Variants in OVOL2 observed in about 807,000 individuals in gnomAD.
OVOL2 encodes ovo like zinc finger 2.
Under a neutral mutation model 18.1 loss-of-function variants are expected in OVOL2, and 13 were observed. That is an observed-to-expected ratio of 0.72 (90% CI 0.47 to 1.14). The LOEUF (loss-of-function observed/expected upper bound fraction) is 1.14. Ranked by LOEUF, OVOL2 falls within the 50% of genes most tolerant of loss-of-function variation. OVOL2 has a pLI of 0.00. For missense variants in OVOL2, 335 were observed against 383.0 expected (o/e 0.87, Z 1.05); for synonymous variants, 166 against 162.7 (o/e 1.02, Z -0.16).
In OVOL2 at chr20:18,056,888, A is replaced by G; in HGVS notation, c.101-11T>C. 1.4e-6 allele frequency: 2 copies of G among 1,478,194 alleles called. No homozygotes were observed. The highest frequency in any genetic ancestry group is 1.8e-6 in the Non-Finnish European group (2 of 1,122,576). 91.6% of individuals were successfully genotyped at this position (1,478,194 alleles called of 1,614,324 possible). A position where few individuals can be genotyped will look rare whatever the true frequency, so the allele number is the denominator to read the frequency against. On this transcript the variant is annotated splice_polypyrimidine_tract_variant and intron_variant, in intron 1 of 3. Transcript: ENST00000278780. This position sits in a 1 kb window ranked among gnomAD's most constrained non-coding sequence, Gnocchi z 4.2. ...GGCGGCCTAGGCCCACTGTGGAGGG[A>G]GGGGCCGCGCCCCGACACACACACT...
intron 2 of OVOL2, among the ~76,000 whole-genome samples, chr20:18,053,522 G>A (rs1014663203): frequency 3.3e-5 from 5 of 152,064 alleles, no homozygotes; most frequent in East Asian, 1.9e-4. Flanking sequence ...ACAACATGGC[G>A]AAACTTCGTC....
intron 2 of OVOL2, among the ~76,000 whole-genome samples, chr20:18,051,215 G>C (rs1267772239): frequency 6.6e-6 from 1 of 151,810 alleles, no homozygotes; most frequent in African/African-American, 2.4e-5. Flanking sequence ...GTCTCAAAAG[G>C]AAAAATAAAT....
chr20:18,037,970 C>G (rs6045159), intron 3 of OVOL2, among the ~76,000 whole-genome samples: 45,094 of 151,998 alleles, frequency 0.3, 8,438 homozygotes, highest in African/African-American at 0.52. Context: ...ATTAGCAACG[C>G]TCTTCCTCCT....
chr20:18,038,641 C>T (rs906147111), intron 3 of OVOL2, among the ~76,000 whole-genome samples: 2 of 152,198 alleles, frequency 1.3e-5, no homozygotes, highest in Admixed American at 6.5e-5. Flanking sequence ...AGCCATGCTT[C>T]CTGGGCCCCC....
chr20:18,027,546 GTAAATAAA>G (rs1264637030), intron 3 of OVOL2, among the ~76,000 whole-genome samples: 2 of 149,706 alleles, frequency 1.3e-5, no homozygotes, highest in South Asian at 2.1e-4. Flanking sequence ...AAAAAAATAA[GTAAATAAA>G]TAAATAAATA....
chr20:18,053,294 T>C (rs1435531496), intron 2 of OVOL2, among the ~76,000 whole-genome samples: 1 of 152,216 alleles, frequency 6.6e-6, no homozygotes, highest in Admixed American at 6.5e-5. Flanking sequence ...ACACCCACTA[T>C]CTCATTTAAT....
Position 18,024,271 on chromosome 20 carries a change from G to C in OVOL2, c.*365C>G, listed in dbSNP as rs1336467527. On this transcript the variant is annotated 3_prime_UTR_variant, in exon 4 of 4. Coordinates refer to ENST00000278780, the MANE Select transcript of OVOL2 (RefSeq NM_021220.4). ...CCTTGCTTAAACAGCATTTCAAGTA[G>C]AAGTATTTTTATTTCAAGGCACCAT... The C allele has an allele frequency of 1.1e-5, 2 of 183,664 alleles. No individual in the cohort carries two copies. Among genetic ancestry groups the C allele is most frequent in the Non-Finnish European group, 2.3e-5 (2 of 87,620 alleles). The allele number at this position is 183,664 out of a possible 1,614,324, so 11.4% of individuals were successfully genotyped here.
rs1017807537 is a variant in OVOL2, at chr20:18,056,675, G to A, written c.303C>T (p.Val101=). 6.3e-6 allele frequency: 9 copies of A among 1,430,882 alleles called. No homozygotes were observed. Among genetic ancestry groups the A allele is most frequent in the Admixed American group, 3.3e-5 (1 of 30,622 alleles). The allele number at this position is 1,430,882 out of a possible 1,614,324, so 88.6% of individuals were successfully genotyped here. A position where few individuals can be genotyped will look rare whatever the true frequency, so the allele number is the denominator to read the frequency against. ...DGHLATKQRP[V]ARSKIKFTTG... The stretch of plus-strand genomic sequence containing the variant: ...ACAGTACCTTGATTTTCGATCTGGC[G>A]ACCGGGCGCTGCTTGGTCGCCAGGT... The change falls in exon 2 of 4, where the codon GTC becomes GTT. Residue 101 remains valine (V), a synonymous_variant. Transcript: ENST00000278780. This position sits in a 1 kb window ranked among gnomAD's most constrained non-coding sequence, Gnocchi z 4.2.
At chr20:18,049,229 G>A (rs556570824) in intron 2 of OVOL2, among the ~76,000 whole-genome samples, 1 of 152,254 alleles carries the variant, frequency 6.6e-6, no homozygotes, top group African/African-American at 2.4e-5. Flanking sequence ...ACCAATCATT[G>A]TCTCCGCACT....
intron 2 of OVOL2, among the ~76,000 whole-genome samples, chr20:18,048,859 A>G (rs1356620314): frequency 6.6e-6 from 1 of 152,226 alleles, no homozygotes; most frequent in Non-Finnish European, 1.5e-5. Context: ...ACATTTTAAT[A>G]TGGAAATTAT....
chr20:18,026,983 C>T (rs146483537), intron 3 of OVOL2, among the ~76,000 whole-genome samples: 3 of 152,188 alleles, frequency 2.0e-5, no homozygotes, highest in Non-Finnish European at 2.9e-5. Flanking sequence ...GGCTGAGAAA[C>T]TCCCCATTGG....
At position 18,032,855 on chromosome 20, in the gene OVOL2, G is replaced by A. The variant is rs530529818; in HGVS notation, c.512-7903C>T. Reference sequence around the variant, plus strand: ...AGCAATATACATTAAAAACTTTTGGGAAAAAAATTAAATGGTGGAACTGGG... The same window carrying A: ...AGCAATATACATTAAAAACTTTTGGAAAAAAAATTAAATGGTGGAACTGGG... On this transcript the variant is annotated intron_variant, in intron 3 of 3. Coordinates refer to ENST00000278780, the MANE Select transcript of OVOL2 (RefSeq NM_021220.4). 4.3e-4 allele frequency among the ~76,000 whole-genome samples: 66 copies of A among 152,192 alleles called. 1 individual carries two copies. The South Asian group carries it at 0.013, about 30-fold the overall frequency.
chr20:18,053,850 C>T (rs1600453245), intron 2 of OVOL2, among the ~76,000 whole-genome samples: 2 of 152,232 alleles, frequency 1.3e-5, no homozygotes, highest in South Asian at 2.1e-4. Flanking sequence ...CAGCTCTTTA[C>T]CGCCAACTCT....
chr20:18,054,027 C>G (rs1293543464), intron 2 of OVOL2, among the ~76,000 whole-genome samples: 1 of 152,182 alleles, frequency 6.6e-6, no homozygotes, highest in Non-Finnish European at 1.5e-5. Flanking sequence ...AAATCGGTCA[C>G]GTCTTTGTTT....
At chr20:18,052,606 G>A (rs2036780406) in intron 2 of OVOL2, among the ~76,000 whole-genome samples, 1 of 152,142 alleles carries the variant, frequency 6.6e-6, no homozygotes, top group South Asian at 2.1e-4. Context: ...AAAGTGATGG[G>A]GGTATGGGGA....
In OVOL2 at chr20:18,057,393, C is replaced by A. The variant is rs2036839769; in HGVS notation, c.100+142G>T. On this transcript the variant is annotated intron_variant, in intron 1 of 3. Transcript: ENST00000278780. This position sits in a 1 kb window ranked among gnomAD's most constrained non-coding sequence, Gnocchi z 6.3. The stretch of plus-strand genomic sequence containing the variant: ...CCAGTCCCTCATTGCCTGCCCTAAC[C>A]CGCCTAGAAGACCCCCGCGTGCCCC... The A allele has an allele frequency of 1.0e-6, 1 of 980,836 alleles. No individual in the cohort carries two copies. Among genetic ancestry groups the A allele is most frequent in the African/African-American group, 1.7e-5 (1 of 59,604 alleles). 60.8% of individuals were successfully genotyped at this position (980,836 alleles called of 1,614,324 possible). A position where few individuals can be genotyped will look rare whatever the true frequency, so the allele number is the denominator to read the frequency against.
rs559872671 is a variant in OVOL2 at position 18,024,172 on chromosome 20, T to G, written c.*464A>C. The G allele has an allele frequency of 6.3e-6, 1 of 159,822 alleles. No individual in the cohort carries two copies. The highest frequency in any genetic ancestry group is 2.4e-5 in the African/African-American group (1 of 41,678). 9.9% of individuals were successfully genotyped at this position (159,822 alleles called of 1,614,324 possible). A position where few individuals can be genotyped will look rare whatever the true frequency, so the allele number is the denominator to read the frequency against. On this transcript the variant is annotated 3_prime_UTR_variant, in exon 4 of 4. Coordinates refer to ENST00000278780, the MANE Select transcript of OVOL2 (RefSeq NM_021220.4). ...GTAGGTCAATGTTCCATTTTGCTTT[T>G]AAAAGCTTCACAAGAACATTTCATT...
rs2036838569 is a variant in OVOL2 at position 18,057,284 on chromosome 20, G to A, written c.100+251C>T. Among the ~76,000 whole-genome samples the A allele has an allele frequency of 6.6e-6, 1 of 152,006 alleles. No homozygotes were observed. The highest frequency in any genetic ancestry group is 6.5e-5 in the Admixed American group (1 of 15,286). On this transcript the variant is annotated intron_variant, in intron 1 of 3. Transcript: ENST00000278780. This position sits in a 1 kb window ranked among gnomAD's most constrained non-coding sequence, Gnocchi z 6.3. ...TCAATCCCTTTCCTGGGCCACCTTG[G>A]CCCGCGCTGCAGCCAACGGTCCCGC...
chr20:18,051,577 TAGCTGAAATAAAATAG>T (rs1336558165), intron 2 of OVOL2, among the ~76,000 whole-genome samples: 1 of 152,178 alleles, frequency 6.6e-6, no homozygotes, highest in East Asian at 1.9e-4. Context: ...TGACATATTC[TAGCTGAAATAAAATAG>T]AGCTGACCAA....
Sources: allele counts gnomAD v4.1 joint callset (sites outside exome capture counted in the v4.1 genomes callset), GRCh38; gene constraint gnomAD v4.1.1; non-coding constraint Gnocchi (gnomAD v3.1); transcripts MANE v1.5; gene names NCBI Gene and HGNC (gene_info 2026-07-23, HGNC 2026-07-21).